Variants in FAM131B observed in about 807,000 individuals in gnomAD.
The protein encoded by FAM131B is protein FAM131B.
Under a neutral mutation model 42.0 loss-of-function variants are expected in FAM131B, and 19 were observed. The ratio of observed to expected loss-of-function variants is 0.45; its 90% CI spans 0.32 to 0.66. The LOEUF (loss-of-function observed/expected upper bound fraction) is 0.66. FAM131B is among the 30% of genes least tolerant of loss of function. FAM131B has a pLI of 0.05. For synonymous variants in FAM131B, 183 were observed against 177.6 expected (o/e 1.03, Z -0.24); for missense variants, 370 against 468.4 (o/e 0.79, Z 1.94).
the FAM131B span, among the ~76,000 whole-genome samples, chr7:143,377,671 T>C: frequency 1.3e-5 from 2 of 152,086 alleles, no homozygotes; most frequent in Non-Finnish European, 2.9e-5. Context: ...AGGTTTATAG[T>C]GATGATTAGA....
At chr7:143,360,872 T>G (rs1480418382) in intron 1 of FAM131B, 1 of 151,808 alleles carries the variant, frequency 6.6e-6, no homozygotes, top group Non-Finnish European at 1.5e-5. Context: ...GAGGGCTGAG[T>G]GGGAAACTGC....
chr7:143,365,640 T>G (rs1804163180), upstream of FAM131B, among the ~76,000 whole-genome samples: 1 of 152,118 alleles, frequency 6.6e-6, no homozygotes, highest in Non-Finnish European at 1.5e-5. Flanking sequence ...GTCTCACGCT[T>G]ACCCAGCCGG....
the FAM131B span, among the ~76,000 whole-genome samples, chr7:143,369,887 G>A: frequency 6.6e-6 from 1 of 152,156 alleles, no homozygotes; most frequent in Non-Finnish European, 1.5e-5. Context: ...ACAAGGCATT[G>A]CTCTCCTGGG....
At position 143,358,130 on chromosome 7, in the gene FAM131B, C is replaced by A. The variant is rs1026469926; in HGVS notation, c.466+697G>T. Among the ~76,000 whole-genome samples the A allele has an allele frequency of 3.9e-5, 6 of 152,100 alleles. No homozygotes were observed. The highest frequency in any genetic ancestry group is 1.4e-4 in the African/African-American group (6 of 41,420). On this transcript the variant is annotated intron_variant, in intron 5 of 6. Coordinates refer to ENST00000443739, the MANE Select transcript of FAM131B (RefSeq NM_001031690.3). This position sits in a 1 kb window ranked among gnomAD's most constrained non-coding sequence, Gnocchi z 4.7. ...TAGACCTGGGGATCCCTATTCTAGT[C>A]AAATCCATGAGCGTGTTGAAGCTGG...
At chr7:143,380,650 C>T in the FAM131B span, 8 of 985,350 alleles carry the variant, frequency 8.1e-6, no homozygotes, top group African/African-American at 8.7e-5. This position sits in a 1 kb window ranked among gnomAD's most constrained non-coding sequence, Gnocchi z 5.0. Flanking sequence ...TTCCTAGAAG[C>T]CTTAAGAGGC....
At chr7:143,373,253 C>T in the FAM131B span, among the ~76,000 whole-genome samples, 4 of 149,530 alleles carry the variant, frequency 2.7e-5, no homozygotes, top group South Asian at 8.6e-4. Context: ...TGTGGTGGTG[C>T]GCACCTGTAA....
rs867641342 is a variant in FAM131B at position 143,353,637 on chromosome 7, T to C, written c.*2913A>G. The C allele has an allele frequency of 2.0e-5, 3 of 152,554 alleles. No homozygotes were observed. Among genetic ancestry groups the C allele is most frequent in the Non-Finnish European group, 2.9e-5 (2 of 68,040 alleles). The allele number at this position is 152,554 out of a possible 1,614,324, so 9.5% of individuals were successfully genotyped here. A position where few individuals can be genotyped will look rare whatever the true frequency, so the allele number is the denominator to read the frequency against. On this transcript the variant is annotated 3_prime_UTR_variant, in exon 7 of 7. Coordinates refer to ENST00000443739, the MANE Select transcript of FAM131B (RefSeq NM_001031690.3). ...TGGGCCTGGCGTGGGAATGTGACAT[T>C]AAGAAAACATGCTAAGACTGGCCAG...
chr7:143,370,707 TA>T, the FAM131B span, among the ~76,000 whole-genome samples: 18 of 152,216 alleles, frequency 1.2e-4, no homozygotes, highest in Admixed American at 3.3e-4. Context: ...GCATATAATT[TA>T]AAAAAATACA....
upstream of FAM131B, among the ~76,000 whole-genome samples, chr7:143,363,707 A>T (rs539928895): frequency 6.6e-6 from 1 of 152,326 alleles, no homozygotes; most frequent in Admixed American, 6.5e-5. Flanking sequence ...AGGTGTACCC[A>T]GAAAGCCCAA....
the FAM131B span, chr7:143,380,260 A>C: frequency 1.0e-6 from 1 of 984,136 alleles, no homozygotes; most frequent in Non-Finnish European, 1.2e-6. The surrounding 1 kb of genome is among the most constrained non-coding windows in gnomAD (Gnocchi z 5.0). Context: ...GAACTAGAAG[A>C]ATTACCCAGG....
the FAM131B span, among the ~76,000 whole-genome samples, chr7:143,369,374 C>T: frequency 2.0e-5 from 3 of 152,214 alleles, no homozygotes; most frequent in Non-Finnish European, 2.9e-5. Context: ...GCAGATAAAA[C>T]AGGTTAAAAA....
chr7:143,380,859 G>A, the FAM131B span: 2 of 848,454 alleles, frequency 2.4e-6, no homozygotes, highest in Non-Finnish European at 2.8e-6. This position sits in a 1 kb window ranked among gnomAD's most constrained non-coding sequence, Gnocchi z 5.0. Flanking sequence ...AGCGGGTGGT[G>A]GCAGGAGGGG....
At position 143,362,062 on chromosome 7, in the gene FAM131B, C is replaced by A; in HGVS notation, c.28+514G>T. 1.0e-6 allele frequency: 1 copy of A among 984,928 alleles called. No homozygotes were observed. The highest frequency in any genetic ancestry group is 1.2e-6 in the Non-Finnish European group (1 of 829,540). The allele number at this position is 984,928 out of a possible 1,614,324, so 61.0% of individuals were successfully genotyped here. A position where few individuals can be genotyped will look rare whatever the true frequency, so the allele number is the denominator to read the frequency against. On this transcript the variant is annotated intron_variant, in intron 1 of 6. Coordinates refer to ENST00000443739, the MANE Select transcript of FAM131B (RefSeq NM_001031690.3). The surrounding 1 kb of genome is among the most constrained non-coding windows in gnomAD (Gnocchi z 7.7). ...AGGCAGGAACGACAGTAAAAGGCAA[C>A]GGAGAGGGAGAGAGAGATGGGGCAA...
the FAM131B span, chr7:143,379,957 G>T: frequency 3.2e-6 from 2 of 626,070 alleles, no homozygotes; most frequent in Non-Finnish European, 4.0e-6. Context: ...TCTTCAGCTC[G>T]GCCTCTGCTT....
chr7:143,381,530 G>T, the FAM131B span: 1 of 1,587,516 alleles, frequency 6.3e-7, no homozygotes, highest in Non-Finnish European at 8.6e-7. Context: ...CCGGCTCCGC[G>T]CTGCGTAACC....
the FAM131B span, chr7:143,381,878 G>T: frequency 4.1e-6 from 5 of 1,219,704 alleles, no homozygotes; most frequent in South Asian, 7.9e-5. Flanking sequence ...GTTGCCGAGG[G>T]GGCTGGGCGC....
the FAM131B span, among the ~76,000 whole-genome samples, chr7:143,367,800 A>G: frequency 4.6e-5 from 7 of 152,356 alleles, 1 homozygote; most frequent in Admixed American, 4.6e-4. Context: ...CCATGAGCCA[A>G]AGCCCTCCTG....
the FAM131B span, chr7:143,381,013 G>A: frequency 1.1e-5 from 3 of 268,352 alleles, no homozygotes; most frequent in African/African-American, 2.3e-5. Flanking sequence ...GGCACCCGCG[G>A]GTCGGGCGGG....
In FAM131B at chr7:143,359,032, G is replaced by A. The variant is rs766054580; in HGVS notation, c.269-8C>T. The A allele has an allele frequency of 5.0e-6, 8 of 1,612,286 alleles. No individual in the cohort carries two copies. The highest frequency in any genetic ancestry group is 8.5e-7 in the Non-Finnish European group (1 of 1,179,526). ...TCATGCTCCGTGAGATCCCTATGGG[G>A]CCAGACATTTCCCACATCCTCCAGA... On this transcript the variant is annotated splice_polypyrimidine_tract_variant and splice_region_variant and intron_variant, in intron 4 of 6. Transcript: ENST00000443739. The surrounding 1 kb of genome is among the most constrained non-coding windows in gnomAD (Gnocchi z 5.4).
Sources: gnomAD v4.1 joint callset for allele counts (sites outside exome capture counted in the v4.1 genomes callset) on GRCh38, gnomAD v4.1.1 for gene constraint, Gnocchi (gnomAD v3.1) non-coding constraint, MANE v1.5 for transcripts, NCBI Gene and HGNC (gene_info 2026-07-23, HGNC 2026-07-21) for gene names.